The following ZHX3 variants were observed in gnomAD, a reference collection of about 807,000 sequenced individuals.
The protein encoded by ZHX3 is zinc fingers and homeoboxes protein 3.
In ZHX3, 20 loss-of-function variants were observed where a neutral mutation model predicts 64.5. The observed-to-expected ratio is 0.31, with a 90% CI of 0.22 to 0.45. The LOEUF (loss-of-function observed/expected upper bound fraction) is 0.45. Among genes scored for constraint, ZHX3 ranks in the 20% least tolerant of loss-of-function variants. The probability of loss-of-function intolerance (pLI) is 1.00; values close to 1 mark genes in which losing one functional copy is unlikely to be tolerated. For synonymous variants in ZHX3, 423 were observed against 461.6 expected, an observed-to-expected ratio of 0.92 and a Z score of 1.07; for missense variants, 1,041 against 1,195.8, an observed-to-expected ratio of 0.87 and a Z score of 1.91.
intron 2 of ZHX3, among the ~76,000 whole-genome samples, chr20:41,263,138 G>C: frequency 6.6e-6 from 1 of 152,172 alleles, no homozygotes; most frequent in Non-Finnish European, 1.5e-5. Context: ...ATAAATTAAA[G>C]AGTATAAATT....
Position 41,314,447 on chromosome 20 carries a change from A to G in ZHX3, c.-245+3062T>C, listed in dbSNP as rs116236943. ...CCCCAAATGAAAACACATTAAAGCT[A>G]TAATTATATCTCTGGGTATCTGTTG... On this transcript the variant is annotated intron_variant, in intron 1 of 3. Coordinates refer to ENST00000683867, the MANE Select transcript of ZHX3 (RefSeq NM_001384317.1). Among the ~76,000 whole-genome samples, 773 of 152,356 alleles carry G rather than the reference A, an allele frequency of 5.1e-3. 9 individuals are homozygous for G. The highest frequency in any genetic ancestry group is 0.018 in the African/African-American group (745 of 41,588).
At chr20:41,296,086 A>G (rs1040944834) in intron 1 of ZHX3, among the ~76,000 whole-genome samples, 2 of 152,132 alleles carry the variant, frequency 1.3e-5, no homozygotes, top group Admixed American at 6.5e-5. Flanking sequence ...GACTTTGTTC[A>G]GCAACTGCCC....
rs771895400 is a variant in ZHX3 at position 41,202,359 on chromosome 20, T to C, written c.2558A>G (p.Tyr853Cys). Residue 853 changes from tyrosine to cysteine, a missense_variant, in exon 3 of 4, where the codon TAT becomes TGT. By Grantham distance (194) the Tyr-to-Cys change is radical. Coordinates refer to ENST00000683867, the MANE Select transcript of ZHX3 (RefSeq NM_001384317.1). This position sits in a 1 kb window ranked among gnomAD's most constrained non-coding sequence, Gnocchi z 7.0. ...ATACAGCATCTTGTGTGTCATGTAA[T>C]AGTCCTGCAGGAGCTCCCGGTTGCC... ...APGNRELLQDYYMTHKMLYEE... is the reference protein window; with the variant it reads ...APGNRELLQDCYMTHKMLYEE... The C allele has an allele frequency of 5.0e-6, 8 of 1,614,064 alleles. No homozygotes were observed. The African/African-American group carries it at 5.3e-5, about 11-fold the overall frequency.
At chr20:41,263,120 T>C (rs1265099097) in intron 2 of ZHX3, among the ~76,000 whole-genome samples, 1 of 151,772 alleles carries the variant, frequency 6.6e-6, no homozygotes, top group Non-Finnish European at 1.5e-5. Flanking sequence ...CATAATACAA[T>C]AGCAATAATA....
At chr20:41,308,963 C>G (rs2045054587) in intron 1 of ZHX3, among the ~76,000 whole-genome samples, 2 of 152,094 alleles carry the variant, frequency 1.3e-5, no homozygotes, top group African/African-American at 4.8e-5. Flanking sequence ...TCCTTCTCAG[C>G]CTTTCTGAAC....
intron 2 of ZHX3, among the ~76,000 whole-genome samples, chr20:41,239,179 T>TTTG (rs1394057014): frequency 6.6e-6 from 1 of 151,376 alleles, no homozygotes; most frequent in Non-Finnish European, 1.5e-5. Flanking sequence ...ATTTTTTTTT[T>TTTG]TTGTATTTTT....
At chr20:41,272,474 A>G (rs1265519881) in intron 1 of ZHX3, among the ~76,000 whole-genome samples, 3 of 152,182 alleles carry the variant, frequency 2.0e-5, no homozygotes, top group African/African-American at 7.2e-5. Context: ...TACTGATGAA[A>G]TATTTTCATC....
At chr20:41,215,770 T>TAAAAAAAAAA (rs55922605) in intron 2 of ZHX3, among the ~76,000 whole-genome samples, 77 of 100,986 alleles carry the variant, frequency 7.6e-4, no homozygotes, top group Non-Finnish European at 1.0e-3. Flanking sequence ...ACGTCTCTAC[T>TAAAAAAAAAA]AAAAAAAAAA....
At position 41,251,581 on chromosome 20, in the gene ZHX3, G is replaced by A. The variant is rs547262610; in HGVS notation, c.-151+17409C>T. 2.0e-5 allele frequency among the ~76,000 whole-genome samples: 3 copies of A among 152,226 alleles called. No homozygotes were observed. The South Asian group carries it at 6.2e-4, about 32-fold the overall frequency. On this transcript the variant is annotated intron_variant, in intron 2 of 3. Coordinates refer to ENST00000683867, the MANE Select transcript of ZHX3 (RefSeq NM_001384317.1). ...CTAATATGTCAATAATTAGCTTAAA[G>A]ATAAATGATCTAAATACACCAACTA...
chr20:41,222,242 G>A (rs982273094), intron 2 of ZHX3, among the ~76,000 whole-genome samples: 4 of 152,178 alleles, frequency 2.6e-5, no homozygotes, highest in African/African-American at 9.7e-5. Flanking sequence ...TAAAGGAATG[G>A]ATAGGAGGAT....
intron 1 of ZHX3, among the ~76,000 whole-genome samples, chr20:41,299,292 TA>T (rs1232661712): frequency 2.0e-5 from 3 of 152,272 alleles, no homozygotes; most frequent in African/African-American, 7.2e-5. Flanking sequence ...AGCCCAACAC[TA>T]TATCAAAAAA....
intron 1 of ZHX3, among the ~76,000 whole-genome samples, chr20:41,315,948 T>C (rs770850070): frequency 4.0e-5 from 6 of 151,670 alleles, no homozygotes; most frequent in Non-Finnish European, 8.8e-5. Context: ...TTTAATGTTA[T>C]CTTTAAAAAG....
chr20:41,256,370 AT>A (rs11086801), intron 2 of ZHX3, among the ~76,000 whole-genome samples: 2 of 151,672 alleles, frequency 1.3e-5, no homozygotes, highest in Non-Finnish European at 2.9e-5. Context: ...TAAATTGAGA[AT>A]TTTTTTATAT....
At chr20:41,303,716 T>G (rs12480916) in intron 1 of ZHX3, among the ~76,000 whole-genome samples, 59,907 of 151,982 alleles carry the variant, frequency 0.39, 12,278 homozygotes, top group East Asian at 0.75. Flanking sequence ...CAAGCACTTA[T>G]CCTTTCTCTT....
At chr20:41,263,110 C>A (rs1363859197) in intron 2 of ZHX3, among the ~76,000 whole-genome samples, 1 of 151,852 alleles carries the variant, frequency 6.6e-6, no homozygotes, top group Non-Finnish European at 1.5e-5. Context: ...ATACAGAAAA[C>A]ATAATACAAT....
intron 2 of ZHX3, among the ~76,000 whole-genome samples, chr20:41,207,404 C>A (rs978845034): frequency 9.2e-5 from 14 of 152,154 alleles, no homozygotes; most frequent in African/African-American, 3.4e-4. Flanking sequence ...TGTCTCAGCA[C>A]CACAGCACAC....
In ZHX3 at chr20:41,183,158, GTATT is replaced by G. The variant is rs549637740; in HGVS notation, c.*2029_*2032del. 11 of 151,298 alleles carry G rather than the reference GTATT, an allele frequency of 7.3e-5. No individual in the cohort carries two copies. Among genetic ancestry groups the G allele is most frequent in the African/African-American group, 2.2e-4 (9 of 40,912 alleles). The allele number at this position is 151,298 out of a possible 1,614,324, so 9.4% of individuals were successfully genotyped here. A position where few individuals can be genotyped will look rare whatever the true frequency, so the allele number is the denominator to read the frequency against. The stretch of plus-strand genomic sequence containing the variant: ...TGCGCGTTTTACGAGAATCAAATGA[GTATT>G]TATACTGTATATGTGTGTGTGTATA... On this transcript the variant is annotated 3_prime_UTR_variant, in exon 4 of 4. Transcript: ENST00000683867. This position sits in a 1 kb window ranked among gnomAD's most constrained non-coding sequence, Gnocchi z 5.3.
At chr20:41,304,253 T>C (rs2044909153) in intron 1 of ZHX3, among the ~76,000 whole-genome samples, 1 of 152,154 alleles carries the variant, frequency 6.6e-6, no homozygotes, top group Admixed American at 6.5e-5. Flanking sequence ...TACTTTCTGT[T>C]TGAAATCATC....
At position 41,212,613 on chromosome 20, in the gene ZHX3, C is replaced by A. The variant is rs1010342472; in HGVS notation, c.-150-7547G>T. ...AGGAGTTCAAGATCAGCCTGACCAA[C>A]ATGGAGAAACCCCATCTCTACTAAA... On this transcript the variant is annotated intron_variant, in intron 2 of 3. Transcript: ENST00000683867. The surrounding 1 kb of genome is among the most constrained non-coding windows in gnomAD (Gnocchi z 4.3). Among the ~76,000 whole-genome samples, 5 of 152,070 alleles carry A rather than the reference C, an allele frequency of 3.3e-5. No individual in the cohort carries two copies. Among genetic ancestry groups the A allele is most frequent in the African/African-American group, 9.7e-5 (4 of 41,404 alleles).
Sources: gnomAD v4.1 joint callset for allele counts (sites outside exome capture counted in the v4.1 genomes callset) on GRCh38, gnomAD v4.1.1 for gene constraint, Gnocchi (gnomAD v3.1) non-coding constraint, MANE v1.5 for transcripts, NCBI Gene and HGNC (gene_info 2026-07-23, HGNC 2026-07-21) for gene names.